The following BTN1A1 variants were observed in gnomAD, a reference collection of about 807,000 sequenced individuals.
BTN1A1 encodes butyrophilin subfamily 1 member A1, also known as bK14H9.2 (butyrophilin, subfamily 1, member A1).
In BTN1A1, 26 loss-of-function variants were observed where a neutral mutation model predicts 33.1. That is an observed-to-expected ratio of 0.79 (90% CI 0.58 to 1.09). The LOEUF is 1.09. BTN1A1 is among the 50% of genes least tolerant of loss of function. The probability of loss-of-function intolerance (pLI) is 0.00; values close to 1 mark genes in which losing one functional copy is unlikely to be tolerated. For missense variants in BTN1A1, 558 were observed against 655.7 expected, an observed-to-expected ratio of 0.85 and a Z score of 1.63; for synonymous variants, 235 against 256.2, an observed-to-expected ratio of 0.92 and a Z score of 0.79.
Position 26,506,771 on chromosome 6 carries a change from T to C in BTN1A1, c.798T>C (p.Phe266=). The C allele has an allele frequency of 6.2e-7, 1 of 1,614,098 alleles. No homozygotes were observed. Among genetic ancestry groups the C allele is most frequent in the African/African-American group, 1.3e-5 (1 of 75,012 alleles). The change falls in exon 5 of 8, where the codon TTT becomes TTC. Residue 266 remains phenylalanine (F), a synonymous_variant. Transcript: ENST00000684113. The part of the protein sequence containing the change: ...VLGLLTIGSI[F]FTWRLYNERP... ...GACTTCTCACCATTGGGTCCATATT[T>C]TTCACTTGGAGACTATACAACGAAA...
chr6:26,507,989 T>C lies in BTN1A1; in HGVS notation c.880+19T>C. 2 of 1,613,980 alleles carry C rather than the reference T, an allele frequency of 1.2e-6. No individual in the cohort carries two copies. Among genetic ancestry groups the C allele is most frequent in the Non-Finnish European group, 1.7e-6 (2 of 1,179,928 alleles). On this transcript the variant is annotated intron_variant, in intron 6 of 7. Transcript: ENST00000684113. ...GAACTCAGTAAGTTCTGTCTTCTTGTTATTTCACCCACAGAGTTTTCTCTC... is the reference window on the plus strand; with the variant it reads ...GAACTCAGTAAGTTCTGTCTTCTTGCTATTTCACCCACAGAGTTTTCTCTC...
Position 26,508,071 on chromosome 6 carries a change from G to C in BTN1A1, c.891G>C (p.Lys297Asn). 6.2e-7 allele frequency: 1 copy of C among 1,612,552 alleles called. No homozygotes were observed. The highest frequency in any genetic ancestry group is 8.5e-7 in the Non-Finnish European group (1 of 1,179,558). The change falls in exon 7 of 8, where the codon AAG becomes AAC. Residue 297 changes from lysine (K) to asparagine (N), a missense_variant. Transcript: ENST00000684113. The part of the protein sequence containing the change: ...ERLLEELKWK[K>N]ATLHAVDVTL... ...TCTCTTTTGTTGCAGAATGGAAAAA[G>C]GCTACCTTGCATGCAGGTCAGTGGC...
At chr6:26,503,202 AG>A (rs1472155664) in intron 3 of BTN1A1, among the ~76,000 whole-genome samples, 2 of 151,912 alleles carry the variant, frequency 1.3e-5, no homozygotes, top group Non-Finnish European at 2.9e-5. Flanking sequence ...AAAAAAAAAA[AG>A]TGGGATGTGG....
rs1406249346 is a variant in BTN1A1 at position 26,508,070 on chromosome 6, A to T, written c.890A>T (p.Lys297Met). The change falls in exon 7 of 8, where the codon AAG becomes ATG. Residue 297 changes from lysine to methionine, a missense_variant. Lys to Met is a moderately conservative substitution (Grantham distance 95). Coordinates refer to ENST00000684113, the MANE Select transcript of BTN1A1 (RefSeq NM_001732.3). The part of the protein sequence containing the change: ...ERLLEELKWK[K>M]ATLHAVDVTL... ...TTCTCTTTTGTTGCAGAATGGAAAA[A>T]GGCTACCTTGCATGCAGGTCAGTGG... 2 of 1,612,494 alleles carry T rather than the reference A, an allele frequency of 1.2e-6. No homozygotes were observed.
chr6:26,503,457 G>C (rs1253682253), intron 3 of BTN1A1, among the ~76,000 whole-genome samples: 1 of 151,114 alleles, frequency 6.6e-6, no homozygotes, highest in Non-Finnish European at 1.5e-5. Flanking sequence ...AACAGAGTGA[G>C]ACTCGTCTCT....
In BTN1A1 at chr6:26,501,711, AAAG is replaced by A. The variant is rs1247298792; in HGVS notation, c.205_207del (p.Lys69del). 25 of 1,613,934 alleles carry A rather than the reference AAAG, an allele frequency of 1.5e-5. No individual in the cohort carries two copies. The East Asian group carries it at 4.9e-4, about 32-fold the overall frequency. On this transcript the variant is annotated inframe_deletion, in exon 3 of 8. Transcript: ENST00000684113. This position sits in a 1 kb window ranked among gnomAD's most constrained non-coding sequence, Gnocchi z 5.2. ...AGCACTTGGAGCTACGCTGGTTCCG[AAAG>A]AAGGTTTCGCCGGCCGTGCTGGTGC...
intron 3 of BTN1A1, among the ~76,000 whole-genome samples, chr6:26,502,725 G>A (rs1222034435): frequency 6.6e-6 from 1 of 151,872 alleles, no homozygotes; most frequent in Non-Finnish European, 1.5e-5. Flanking sequence ...ACATCTTATG[G>A]CTGTGGTGAG....
Position 26,508,852 on chromosome 6 carries a change from G to T in BTN1A1, c.1259G>T (p.Arg420Leu), listed in dbSNP as rs202063334. Residue 420 changes from arginine to leucine, a missense_variant, in exon 8 of 8, where the codon CGC (arginine) becomes CTC (leucine). Arg to Leu is a moderately radical substitution (Grantham distance 102). Transcript: ENST00000684113. ...RTPLPLAGPPRRVGIFLDYES... is the reference protein window; with the variant it reads ...RTPLPLAGPPLRVGIFLDYES... The stretch of plus-strand genomic sequence containing the variant: ...CCTCTCCCATTGGCAGGGCCCCCAC[G>T]CCGGGTTGGGATTTTCCTAGACTAT... 6.2e-7 allele frequency: 1 copy of T among 1,614,028 alleles called. No homozygotes were observed. Among genetic ancestry groups the T allele is most frequent in the Admixed American group, 1.7e-5 (1 of 59,998 alleles).
chr6:26,505,511 G>A (rs764731478), intron 4 of BTN1A1, among the ~76,000 whole-genome samples: 9 of 152,132 alleles, frequency 5.9e-5, no homozygotes, highest in Admixed American at 1.3e-4. Context: ...TGCAAGCTCC[G>A]CTTCCCAGGT....
chr6:26,506,871 G>T (rs1763877999), intron 5 of BTN1A1, 39 bp downstream of exon 5: 4 of 1,606,718 alleles, frequency 2.5e-6, no homozygotes, highest in Non-Finnish European at 3.4e-6. Context: ...TGTCAGGAGT[G>T]CTTCAGAGGC....
chr6:26,506,987 G>A (rs540826030), intron 5 of BTN1A1, among the ~76,000 whole-genome samples, 155 bp downstream of exon 5: 4 of 152,280 alleles, frequency 2.6e-5, no homozygotes, highest in South Asian at 2.1e-4. Context: ...TTGGGAAGCC[G>A]AGGTAGGTGG....
At position 26,501,681 on chromosome 6, in the gene BTN1A1, C is replaced by T; in HGVS notation, c.171C>T (p.Ser57=). Residue 57 remains serine (S), a synonymous_variant, in exon 3 of 8, where the codon AGC becomes AGT. Transcript: ENST00000684113. This position sits in a 1 kb window ranked among gnomAD's most constrained non-coding sequence, Gnocchi z 5.2. ...ELPCRLSPNA[S]AEHLELRWFR... ...CCTGTCGCCTGTCTCCGAACGCGAG[C>T]GCCGAGCACTTGGAGCTACGCTGGT... The T allele has an allele frequency of 6.2e-7, 1 of 1,614,046 alleles. No individual in the cohort carries two copies. Among genetic ancestry groups the T allele is most frequent in the South Asian group, 1.1e-5 (1 of 91,084 alleles).
At position 26,509,111 on chromosome 6, in the gene BTN1A1, T is replaced by A. The variant is rs761942082; in HGVS notation, c.1518T>A (p.Pro506=). Residue 506 remains proline, a synonymous_variant, in exon 8 of 8, where the codon CCT becomes CCA. Transcript: ENST00000684113. ...PLSPMGEDSA[P]RDADTLHSKL... The stretch of plus-strand genomic sequence containing the variant: ...CCCCCATGGGGGAGGACTCTGCCCC[T>A]AGGGATGCAGACACTCTCCATTCTA... The A allele has an allele frequency of 6.2e-7, 1 of 1,613,898 alleles. No individual in the cohort carries two copies. Among genetic ancestry groups the A allele is most frequent in the African/African-American group, 1.3e-5 (1 of 75,012 alleles).
chr6:26,501,669 T>C lies in BTN1A1; in HGVS notation c.159T>C (p.Ser53=), dbSNP rs1321479. 0.49 allele frequency: 785,940 copies of C among 1,613,718 alleles called. 194,069 individuals carry two copies. The highest frequency in any genetic ancestry group is 0.73 in the East Asian group (32,642 of 44,858). ...ACGCCGAGCTGCCCTGTCGCCTGTC[T>C]CCGAACGCGAGCGCCGAGCACTTGG... ...GEDAELPCRL[S]PNASAEHLEL... The change falls in exon 3 of 8, where the codon TCT becomes TCC. Residue 53 remains serine (S), a synonymous_variant. Coordinates refer to ENST00000684113, the MANE Select transcript of BTN1A1 (RefSeq NM_001732.3). The surrounding 1 kb of genome is among the most constrained non-coding windows in gnomAD (Gnocchi z 5.2).
Position 26,508,912 on chromosome 6 carries a change from A to G in BTN1A1, c.1319A>G (p.Asp440Gly), listed in dbSNP as rs759352707. The stretch of plus-strand genomic sequence containing the variant: ...GACATCTCCTTCTACAACATGAATG[A>G]TGGATCTGATATCTATACTTTCTCC... ...SGDISFYNMN[D>G]GSDIYTFSNV... Residue 440 changes from aspartate to glycine, a missense_variant, in exon 8 of 8, where the codon GAT becomes GGT. Coordinates refer to ENST00000684113, the MANE Select transcript of BTN1A1 (RefSeq NM_001732.3). 2.5e-6 allele frequency: 4 copies of G among 1,614,198 alleles called. No individual in the cohort carries two copies. In the South Asian group the frequency reaches 4.4e-5, roughly 18 times the overall value.
In BTN1A1 at chr6:26,501,477, G is replaced by T. The variant is rs749284863; in HGVS notation, c.79+112G>T. ...CCTCCACTGGATCCAGACAAACTCA[G>T]CTGTCAAAGGAGTAAGAGAGCGCGG... On this transcript the variant is annotated intron_variant, in intron 2 of 7. Transcript: ENST00000684113. This position sits in a 1 kb window ranked among gnomAD's most constrained non-coding sequence, Gnocchi z 5.2. 2.5e-6 allele frequency: 4 copies of T among 1,576,474 alleles called. No individual in the cohort carries two copies. Among genetic ancestry groups the T allele is most frequent in the Non-Finnish European group, 3.5e-6 (4 of 1,149,402 alleles).
intron 3 of BTN1A1, among the ~76,000 whole-genome samples, chr6:26,503,412 G>T (rs1763828783): frequency 6.6e-6 from 1 of 150,968 alleles, no homozygotes; most frequent in African/African-American, 2.4e-5. Context: ...AGGTTGCAGT[G>T]AGCTGAGACT....
chr6:26,504,154 TCAA>T (rs1763840982), intron 3 of BTN1A1, among the ~76,000 whole-genome samples: 1 of 152,154 alleles, frequency 6.6e-6, no homozygotes, highest in Admixed American at 6.5e-5. Context: ...AATTTCTGAA[TCAA>T]CATCATAGAT....
At chr6:26,506,856 C>A (rs62396076) in intron 5 of BTN1A1, 24 bp downstream of exon 5, 16 of 1,612,744 alleles carry the variant, frequency 9.9e-6, no homozygotes, top group Non-Finnish European at 1.4e-5. Flanking sequence ...TCCACAAGGG[C>A]TACGTGTCAG....
Sources: allele counts gnomAD v4.1 joint callset (sites outside exome capture counted in the v4.1 genomes callset), GRCh38; gene constraint gnomAD v4.1.1; non-coding constraint Gnocchi (gnomAD v3.1); transcripts MANE v1.5; gene names NCBI Gene and HGNC (gene_info 2026-07-23, HGNC 2026-07-21).